The following NIT1 variants were observed in gnomAD, a reference collection of about 807,000 sequenced individuals.
NIT1 encodes nitrilase 1, also known as deaminated glutathione amidase.
In NIT1, 30 loss-of-function variants were observed where a neutral mutation model predicts 36.8. The ratio of observed to expected loss-of-function variants is 0.82; its 90% CI spans 0.61 to 1.11. The LOEUF is 1.11. NIT1 is among the 50% of genes least tolerant of loss of function. The probability of loss-of-function intolerance (pLI) is 0.00; values close to 1 mark genes in which losing one functional copy is unlikely to be tolerated. For missense variants in NIT1, 438 were observed against 410.6 expected (o/e 1.07, Z -0.58); for synonymous variants, 151 against 155.6 (o/e 0.97, Z 0.22).
At chr1:161,118,905 A>C (rs41270019) in intron 2 of NIT1, 24 bp downstream of exon 2, 91,942 of 1,551,366 alleles carry the variant, frequency 0.059, 2,937 homozygotes, top group South Asian at 0.08. Context: ...TTGTGTCCTC[A>C]GTGCCTGGCA....
At chr1:161,123,990 C>T (rs1158962909), downstream of NIT1, 4 of 1,603,630 alleles carry the variant, frequency 2.5e-6, no homozygotes, top group Middle Eastern at 1.7e-4. Context: ...TACACCCTTC[C>T]CTTCTGTCAG....
downstream of NIT1, chr1:161,123,153 G>T (rs1655713708): frequency 6.2e-7 from 1 of 1,614,122 alleles, no homozygotes; most frequent in Non-Finnish European, 8.5e-7. Context: ...GCTCTCCCTC[G>T]GGCTGGCCGC....
At chr1:161,121,300 C>A, downstream of NIT1, 1 of 519,566 alleles carries the variant, frequency 1.9e-6, no homozygotes, top group Non-Finnish European at 2.5e-6. Flanking sequence ...GCCCTTTGCC[C>A]AAGCCAGAAG....
chr1:161,122,568 G>T (rs779367459), downstream of NIT1: 22 of 1,580,842 alleles, frequency 1.4e-5, no homozygotes, highest in Non-Finnish European at 1.9e-5. This position sits in a 1 kb window ranked among gnomAD's most constrained non-coding sequence, Gnocchi z 4.2. Context: ...TACAGTAAGG[G>T]ATGAGTTTAC....
intron 5 of NIT1, 51 bp from the exon 6 acceptor site, chr1:161,120,056 C>G: frequency 6.2e-7 from 1 of 1,611,554 alleles, no homozygotes; most frequent in Admixed American, 1.7e-5. Context: ...TGACTAGATG[C>G]TGTGACAAAC....
rs532171421 is a variant in NIT1, at chr1:161,120,701, A to G, written c.920A>G (p.His307Arg). 37 of 1,613,648 alleles carry G rather than the reference A, an allele frequency of 2.3e-5. No homozygotes were observed. Among genetic ancestry groups the G allele is most frequent in the Non-Finnish European group, 3.1e-5 (37 of 1,180,026 alleles). ...DLNYLRQLRRHLPVFQHRRPD... is the reference protein window; with the variant it reads ...DLNYLRQLRRRLPVFQHRRPD... Reference sequence around the variant, plus strand: ...AACTATCTGCGACAGTTGCGCCGACACCTGCCTGTGTTCCAGCACCGCAGG... The same window carrying G: ...AACTATCTGCGACAGTTGCGCCGACGCCTGCCTGTGTTCCAGCACCGCAGG... Residue 307 changes from histidine (H) to arginine (R), a missense_variant, in exon 7 of 7, where the codon CAC (histidine) becomes CGC (arginine). Transcript: ENST00000368009.
At chr1:161,124,082 C>T (rs993485438), downstream of NIT1, 23 of 1,583,560 alleles carry the variant, frequency 1.5e-5, no homozygotes, top group Non-Finnish European at 2.0e-5. Context: ...GCCTATGCTG[C>T]TCCTTCCTGG....
chr1:161,124,014 TG>T, downstream of NIT1: 1 of 1,589,908 alleles, frequency 6.3e-7, no homozygotes, highest in Non-Finnish European at 8.6e-7. Flanking sequence ...AAACCCCCAG[TG>T]GGCCTCACAA....
chr1:161,119,171 C>G lies in NIT1; in HGVS notation c.136C>G (p.Leu46Val), dbSNP rs772170948. ...AMAISSSSCE[L>V]PLVAVCQVTS... ...GGCTATCTCCTCTTCCTCCTGCGAA[C>G]TGCCCCTGGTGGCTGTGTGCCAGGT... The change falls in exon 3 of 7, where the codon CTG (leucine) becomes GTG (valine). Residue 46 changes from leucine (L) to valine (V), a missense_variant. Transcript: ENST00000368009. 2 of 1,614,122 alleles carry G rather than the reference C, an allele frequency of 1.2e-6. No homozygotes were observed. The highest frequency in any genetic ancestry group is 1.7e-6 in the Non-Finnish European group (2 of 1,180,030).
downstream of NIT1, chr1:161,123,216 G>A: frequency 6.2e-7 from 1 of 1,613,238 alleles, no homozygotes; most frequent in Non-Finnish European, 8.5e-7. Flanking sequence ...GGATAGTGGG[G>A]AGGCACTGAC....
At chr1:161,120,466 A>G in intron 6 of NIT1, 33 bp from the exon 7 acceptor site, 3 of 1,603,324 alleles carry the variant, frequency 1.9e-6, no homozygotes, top group Non-Finnish European at 2.6e-6. Flanking sequence ...TATTTGCTAC[A>G]TGTACTTAAG....
Position 161,120,132 on chromosome 1 carries a change from T to C in NIT1, c.617T>C (p.Met206Thr). The change falls in exon 6 of 7, where the codon ATG (methionine) becomes ACG (threonine). Residue 206 changes from methionine (M) to threonine (T), a missense_variant. Met to Thr is a moderately conservative substitution (Grantham distance 81). Transcript: ENST00000368009. ...ATTGGTCTAGCTGTCTGCTATGACATGCGGTTCCCTGAACTCTCTCTGGCA... is the reference window on the plus strand; with the variant it reads ...ATTGGTCTAGCTGTCTGCTATGACACGCGGTTCCCTGAACTCTCTCTGGCA... ...GKIGLAVCYDMRFPELSLALA... is the reference protein window; with the variant it reads ...GKIGLAVCYDTRFPELSLALA... 1 of 1,614,160 alleles carries C rather than the reference T, an allele frequency of 6.2e-7. No homozygotes were observed. Among genetic ancestry groups the C allele is most frequent in the South Asian group, 1.1e-5 (1 of 91,084 alleles).
chr1:161,118,847 A>T lies in NIT1; in HGVS notation c.64A>T (p.Ile22Leu). ...GTCCCTTCTGTGTCCTGGACTCCGG[A>T]TACCTCAACTCTCAGTACTTTGTGC... ...FLSLLCPGLR[I>L]PQLSVLCAQP... The change falls in exon 2 of 7, where the codon ATA (isoleucine) becomes TTA (leucine). Residue 22 changes from isoleucine to leucine, a missense_variant. Transcript: ENST00000368009. 6.2e-7 allele frequency: 1 copy of T among 1,614,058 alleles called. No homozygotes were observed. The highest frequency in any genetic ancestry group is 2.2e-5 in the East Asian group (1 of 44,878).
chr1:161,118,509 G>A (rs1030343397), intron 1 of NIT1: 1 of 1,536,060 alleles, frequency 6.5e-7, no homozygotes, highest in African/African-American at 1.4e-5. Flanking sequence ...ATGACTTTTG[G>A]ACTGCGGAAA....
At position 161,120,547 on chromosome 1, in the gene NIT1, G is replaced by C. The variant is rs756601342; in HGVS notation, c.766G>C (p.Ala256Pro). 6.2e-7 allele frequency: 1 copy of C among 1,614,086 alleles called. No individual in the cohort carries two copies. Among genetic ancestry groups the C allele is most frequent in the Non-Finnish European group, 8.5e-7 (1 of 1,180,048 alleles). The change falls in exon 7 of 7, where the codon GCA becomes CCA. Residue 256 changes from alanine to proline, a missense_variant. Physicochemically the swap from Ala to Pro is conservative, Grantham distance 27. Coordinates refer to ENST00000368009, the MANE Select transcript of NIT1 (RefSeq NM_005600.3). Reference sequence around the variant, plus strand: ...CGAAACCCAGTGCTATGTAGTGGCAGCAGCACAGTGTGGACGCCACCATGA... The same window carrying C: ...CGAAACCCAGTGCTATGTAGTGGCACCAGCACAGTGTGGACGCCACCATGA... ...AIETQCYVVA[A>P]AQCGRHHEKR...
Position 161,120,139 on chromosome 1 carries a change from C to A in NIT1, c.624C>A (p.Phe208Leu). 2 of 1,614,128 alleles carry A rather than the reference C, an allele frequency of 1.2e-6. No individual in the cohort carries two copies. Among genetic ancestry groups the A allele is most frequent in the South Asian group, 1.1e-5 (1 of 91,070 alleles). ...IGLAVCYDMR[F>L]PELSLALAQA... is the part of the protein sequence containing the mutation. ...TAGCTGTCTGCTATGACATGCGGTT[C>A]CCTGAACTCTCTCTGGCATTGGCTC... The change falls in exon 6 of 7, where the codon TTC becomes TTA. Residue 208 changes from phenylalanine (F) to leucine (L), a missense_variant. Coordinates refer to ENST00000368009, the MANE Select transcript of NIT1 (RefSeq NM_005600.3).
At position 161,118,147 on chromosome 1, in the gene NIT1, G is replaced by C. The variant is rs780007246; in HGVS notation, c.-30G>C. The C allele has an allele frequency of 3.1e-6, 5 of 1,613,878 alleles. No homozygotes were observed. In the South Asian group the frequency reaches 4.4e-5, roughly 14 times the overall value. On this transcript the variant is annotated 5_prime_UTR_variant, in exon 1 of 7. Transcript: ENST00000368009. ...TGGCTCCAGACCGCCCTCCGGATCGGACCCTGCGAATGGTTTTGGCTATAT... is the reference window on the plus strand; with the variant it reads ...TGGCTCCAGACCGCCCTCCGGATCGCACCCTGCGAATGGTTTTGGCTATAT...
chr1:161,124,419 T>G, downstream of NIT1: 1 of 1,610,128 alleles, frequency 6.2e-7, no homozygotes. Context: ...CTCACCATGC[T>G]CTTCTGGCCA....
In NIT1 at chr1:161,119,206, G is replaced by A. The variant is rs1300144850; in HGVS notation, c.171G>A (p.Thr57=). The change falls in exon 3 of 7, where the codon ACG becomes ACA. Residue 57 remains threonine (T), a synonymous_variant. Transcript: ENST00000368009. ...PLVAVCQVTS[T]PDKQQNFKTC... is the part of the protein sequence containing the mutation. ...TGGCTGTGTGCCAGGTAACATCGAC[G>A]CCAGACAAGCAACAGAACTTTAAAA... is the stretch of plus-strand genomic sequence containing the variant. The A allele has an allele frequency of 6.2e-6, 10 of 1,614,034 alleles. No individual in the cohort carries two copies. The Admixed American group carries it at 8.3e-5, about 13-fold the overall frequency.
Sources: allele counts gnomAD v4.1 joint callset, GRCh38; gene constraint gnomAD v4.1.1; non-coding constraint Gnocchi (gnomAD v3.1); transcripts MANE v1.5; gene names NCBI Gene and HGNC (gene_info 2026-07-23, HGNC 2026-07-21).